PLEKHA8: variants seen among roughly 807,000 people sequenced by gnomAD.
PLEKHA8 encodes pleckstrin homology domain containing A8, also known as pleckstrin homology domain-containing family A member 8.
Under a neutral mutation model 68.2 loss-of-function variants are expected in PLEKHA8, and 36 were observed. The observed-to-expected ratio is 0.53, with a 90% confidence interval of 0.40 to 0.70. PLEKHA8 has a LOEUF of 0.70. Ranked by LOEUF, PLEKHA8 falls within the 30% of genes least tolerant of loss-of-function variation. The pLI is 0.00. For synonymous variants in PLEKHA8, 211 were observed against 216.1 expected (o/e 0.98, Z 0.20); for missense variants, 505 against 615.4 (o/e 0.82, Z 1.90).
At position 30,080,885 on chromosome 7, in the gene PLEKHA8, T is replaced by C; in HGVS notation, c.*2098T>C. ...TGCTTGTACTTTGAATGAAGATGTT[T>C]TAGGCATTGTACCATTTAGCGGGGA... On this transcript the variant is annotated 3_prime_UTR_variant, in exon 14 of 14. Coordinates refer to ENST00000449726, the MANE Select transcript of PLEKHA8 (RefSeq NM_001197026.2). 1.0e-6 allele frequency: 1 copy of C among 985,400 alleles called. No homozygotes were observed. Among genetic ancestry groups the C allele is most frequent in the Non-Finnish European group, 1.2e-6 (1 of 829,928 alleles). 61.0% of individuals were successfully genotyped at this position (985,400 alleles called of 1,614,324 possible).
intron 13 of PLEKHA8, among the ~76,000 whole-genome samples, chr7:30,076,975 GTGGC>G (rs1554278155): frequency 4.6e-5 from 7 of 152,152 alleles, no homozygotes; most frequent in Non-Finnish European, 1.0e-4. Flanking sequence ...TTCAGGCAAG[GTGGC>G]TGCCTCCATC....
At chr7:30,116,500 C>T (rs1483099698) in intron 13 of PLEKHA8, among the ~76,000 whole-genome samples, 1 of 152,088 alleles carries the variant, frequency 6.6e-6, no homozygotes, top group Non-Finnish European at 1.5e-5. Flanking sequence ...TGAGGGGCAT[C>T]TTCTTGCATA....
intron 13 of PLEKHA8, among the ~76,000 whole-genome samples, chr7:30,120,175 A>AC (rs1796674498): frequency 6.6e-6 from 1 of 151,876 alleles, no homozygotes; most frequent in South Asian, 2.1e-4. Flanking sequence ...AAAAACAAAA[A>AC]AAAAAACAGA....
In PLEKHA8 at chr7:30,035,789, G is replaced by A. The variant is rs192435332; in HGVS notation, c.40+6987G>A. Among the ~76,000 whole-genome samples, 1,298 of 151,834 alleles carry A rather than the reference G, an allele frequency of 8.5e-3. 21 individuals are homozygous for A. Among genetic ancestry groups the A allele is most frequent in the African/African-American group, 0.03 (1,252 of 41,454 alleles). ...CTCCCAAGTAGCTGGGATTACAGGC[G>A]CCTGCCACCAAGCCCGGCTGATTTT... is the stretch of plus-strand genomic sequence containing the variant. On this transcript the variant is annotated intron_variant, in intron 1 of 13. Coordinates refer to ENST00000449726, the MANE Select transcript of PLEKHA8 (RefSeq NM_001197026.2).
intron 12 of PLEKHA8, among the ~76,000 whole-genome samples, chr7:30,072,670 T>A (rs1794318993): frequency 6.6e-6 from 1 of 152,250 alleles, no homozygotes; most frequent in African/African-American, 2.4e-5. Flanking sequence ...CATCTTCTCT[T>A]GTTAGAATTG....
chr7:30,067,559 C>T (rs955760247), intron 12 of PLEKHA8, among the ~76,000 whole-genome samples: 2 of 152,198 alleles, frequency 1.3e-5, no homozygotes, highest in East Asian at 1.9e-4. Flanking sequence ...GTTAAGTGCC[C>T]ACGTGTCACT....
chr7:30,055,455 A>G (rs575107124), intron 9 of PLEKHA8, 113 bp downstream of exon 9: 5 of 888,450 alleles, frequency 5.6e-6, no homozygotes, highest in African/African-American at 3.3e-5. Context: ...ACCCTTGGCT[A>G]TTTGTTCAAA....
At chr7:30,119,511 T>C (rs992804360) in intron 13 of PLEKHA8, among the ~76,000 whole-genome samples, 2 of 152,200 alleles carry the variant, frequency 1.3e-5, no homozygotes, top group Non-Finnish European at 2.9e-5. Flanking sequence ...GGACAGTATC[T>C]TATATGTAGT....
intron 1 of PLEKHA8, 35 bp downstream of exon 1, chr7:30,028,837 G>A (rs1320549191): frequency 4.0e-6 from 5 of 1,252,348 alleles, no homozygotes; most frequent in African/African-American, 1.5e-5. Context: ...GCGCGCCGGG[G>A]GCCGGTCCTT....
At chr7:30,096,846 G>A (rs1351592616) in intron 13 of PLEKHA8, among the ~76,000 whole-genome samples, 1 of 152,154 alleles carries the variant, frequency 6.6e-6, no homozygotes, top group Non-Finnish European at 1.5e-5. Context: ...ATATTGTTAT[G>A]TGTGAATTTG....
chr7:30,090,986 C>A (rs983900463), downstream of PLEKHA8, among the ~76,000 whole-genome samples: 3 of 152,092 alleles, frequency 2.0e-5, no homozygotes, highest in Non-Finnish European at 4.4e-5. Context: ...CAGAGCAAGA[C>A]CCCTTCTCTA....
At chr7:30,098,650 C>T (rs2128009957) in intron 13 of PLEKHA8, among the ~76,000 whole-genome samples, 1 of 152,354 alleles carries the variant, frequency 6.6e-6, no homozygotes, top group South Asian at 2.1e-4. Context: ...GATATAATCT[C>T]CTGTTGTGCC....
rs147148291 is a variant in PLEKHA8, at chr7:30,108,327, C to T, written c.1363-20939C>T. 4.3e-3 allele frequency among the ~76,000 whole-genome samples: 653 copies of T among 152,104 alleles called. 4 individuals are homozygous for T. The highest frequency in any genetic ancestry group is 0.015 in the African/African-American group (617 of 41,500). ...TTTAATTTTTTCCTTCATATACCAT[C>T]CTTATCTGATTTGCCATCAGAATTG... is the stretch of plus-strand genomic sequence containing the variant. On this transcript the variant is annotated intron_variant, in intron 13 of 13. Transcript: ENST00000396257.
intron 13 of PLEKHA8, chr7:30,117,968 A>G (rs1184820871): frequency 6.5e-7 from 1 of 1,530,432 alleles, no homozygotes; most frequent in Admixed American, 2.0e-5. Context: ...CATTTCTAAC[A>G]GGGACACACA....
At chr7:30,103,829 A>T (rs1159115498) in intron 13 of PLEKHA8, among the ~76,000 whole-genome samples, 1 of 152,228 alleles carries the variant, frequency 6.6e-6, no homozygotes, top group African/African-American at 2.4e-5. Context: ...ACAAGGAAAC[A>T]TAGAGCATTA....
At position 30,061,978 on chromosome 7, in the gene PLEKHA8, G is replaced by A. The variant is rs774917384; in HGVS notation, c.1180G>A (p.Val394Ile). Residue 394 changes from valine (V) to isoleucine (I), a missense_variant, in exon 11 of 14, where the codon GTA (valine) becomes ATA (isoleucine). Transcript: ENST00000449726. ...AGTGCTGCACGAAGTGGAGGCGGAT[G>A]TAGCCCAGGTTAGGAACTCAGCGAC... is the stretch of plus-strand genomic sequence containing the variant. ...KIVLHEVEADVAQVRNSATEA... is the reference protein window; with the variant it reads ...KIVLHEVEADIAQVRNSATEA... 3.7e-6 allele frequency: 6 copies of A among 1,614,090 alleles called. No homozygotes were observed. Among genetic ancestry groups the A allele is most frequent in the Middle Eastern group, 1.7e-4 (1 of 6,060 alleles).
intron 13 of PLEKHA8, among the ~76,000 whole-genome samples, chr7:30,097,151 G>A (rs1040073244): frequency 1.3e-5 from 2 of 152,030 alleles, no homozygotes; most frequent in African/African-American, 2.4e-5. Context: ...GTTGAATATC[G>A]GCCCCCACTC....
chr7:30,065,660 A>G (rs1039315864), intron 12 of PLEKHA8, among the ~76,000 whole-genome samples: 3 of 152,194 alleles, frequency 2.0e-5, no homozygotes, highest in Non-Finnish European at 4.4e-5. Flanking sequence ...TGCCATATAT[A>G]GGCAAGTTTG....
intron 13 of PLEKHA8, among the ~76,000 whole-genome samples, chr7:30,101,981 A>G (rs1795870138): frequency 1.3e-5 from 2 of 152,240 alleles, no homozygotes; most frequent in South Asian, 4.1e-4. Flanking sequence ...GACATTGTCA[A>G]AGAAATGAGA....
Sources: allele counts gnomAD v4.1 joint callset (sites outside exome capture counted in the v4.1 genomes callset), GRCh38; gene constraint gnomAD v4.1.1; transcripts MANE v1.5; gene names NCBI Gene and HGNC (gene_info 2026-07-23, HGNC 2026-07-21).